The following POLR1C variants were observed in gnomAD, a reference collection of about 807,000 sequenced individuals.
The protein encoded by POLR1C is RNA polymerase I and III subunit C, also known as DNA-directed RNA polymerases I and III subunit RPAC1.
In POLR1C, 42 loss-of-function variants were observed where a neutral mutation model predicts 38.3. That is an observed-to-expected ratio of 1.10 (90% CI 0.86 to 1.42). The LOEUF is 1.42. Among genes scored for constraint, POLR1C ranks in the 40% most tolerant of loss-of-function variants. The probability of loss-of-function intolerance (pLI) is 0.00; values close to 1 mark genes in which losing one functional copy is unlikely to be tolerated. For missense variants in POLR1C, 507 were observed against 450.5 expected (o/e 1.13, Z -1.14); for synonymous variants, 163 against 163.9 (o/e 0.99, Z 0.04).
chr6:43,553,695 G>A (rs983742825), intron 10 of POLR1C: 12 of 1,243,782 alleles, frequency 9.6e-6, no homozygotes, highest in African/African-American at 3.0e-5. Context: ...AAAGCAATGA[G>A]GTAGGTGAAG....
intron 9 of POLR1C, chr6:43,546,775 G>T: frequency 1.4e-6 from 2 of 1,430,696 alleles, no homozygotes; most frequent in Non-Finnish European, 1.8e-6. Context: ...AAGAATGACA[G>T]ATAAATATTA....
At chr6:43,554,679 T>C (rs904745412) in intron 10 of POLR1C, among the ~76,000 whole-genome samples, 1 of 152,112 alleles carries the variant, frequency 6.6e-6, no homozygotes, top group Non-Finnish European at 1.5e-5. Context: ...AGCCTCGGCC[T>C]CCTGAAGTGC....
chr6:43,534,055 GA>G (rs746121916), downstream of POLR1C: 123 of 1,454,406 alleles, frequency 8.5e-5, no homozygotes, highest in Non-Finnish European at 1.1e-4. Flanking sequence ...GATGCAGAAG[GA>G]AAGAGTGGGT....
intron 10 of POLR1C, among the ~76,000 whole-genome samples, chr6:43,559,275 TGACAG>T (rs1762277013): frequency 6.6e-6 from 1 of 152,038 alleles, no homozygotes; most frequent in Non-Finnish European, 1.5e-5. Context: ...CCAGCCTCGG[TGACAG>T]GGTGAGACTC....
chr6:43,536,853 G>A (rs1014646366), intron 9 of POLR1C, among the ~76,000 whole-genome samples: 2 of 150,320 alleles, frequency 1.3e-5, no homozygotes, highest in African/African-American at 2.5e-5. Context: ...TGGCTGGTAG[G>A]AATCTAATTG....
In POLR1C at chr6:43,517,125, G is replaced by C; in HGVS notation, c.16G>C (p.Ala6Pro). 6.2e-7 allele frequency: 1 copy of C among 1,614,192 alleles called. No individual in the cohort carries two copies. The highest frequency in any genetic ancestry group is 8.5e-7 in the Non-Finnish European group (1 of 1,180,022). Reference sequence around the variant, plus strand: ...GAGATTGAAGATGGCGGCTTCTCAGGCGGTGGAGGAAATGCGGAGCCGCGT... The same window carrying C: ...GAGATTGAAGATGGCGGCTTCTCAGCCGGTGGAGGAAATGCGGAGCCGCGT... MAASQAVEEMRSRVVL... is the reference protein window; with the variant it reads MAASQPVEEMRSRVVL... Residue 6 changes from alanine to proline, a missense_variant, in exon 1 of 9, where the codon GCG becomes CCG. Ala to Pro is a conservative substitution (Grantham distance 27). Transcript: ENST00000642195.
intron 2 of POLR1C, among the ~76,000 whole-genome samples, chr6:43,518,134 G>A (rs962455326): frequency 6.6e-6 from 1 of 152,156 alleles, no homozygotes; most frequent in African/African-American, 2.4e-5. Context: ...TGATGATAGG[G>A]AGATTGAATA....
chr6:43,562,118 A>G (rs1389182131), exon 11 of POLR1C: 2 of 612,546 alleles, frequency 3.3e-6, no homozygotes, highest in Non-Finnish European at 5.7e-6. Context: ...AGAATCATGC[A>G]ATAACTTGTA....
chr6:43,556,035 T>G, intron 10 of POLR1C: 1 of 1,577,566 alleles, frequency 6.3e-7, no homozygotes, highest in Admixed American at 1.8e-5. Context: ...TAATGTTTAT[T>G]AATTTACCAC....
At chr6:43,540,288 G>A (rs1177350268) in intron 9 of POLR1C, among the ~76,000 whole-genome samples, 1 of 152,138 alleles carries the variant, frequency 6.6e-6, no homozygotes, top group Non-Finnish European at 1.5e-5. Context: ...GATCATCCTG[G>A]CTAATACGGT....
chr6:43,561,049 A>T, intron 10 of POLR1C: 1 of 1,500,776 alleles, frequency 6.7e-7, no homozygotes, highest in African/African-American at 1.4e-5. Context: ...TGATCGAGAA[A>T]AGCAGGAGAG....
At chr6:43,561,537 C>G (rs1270245515) in exon 11 of POLR1C, 1 of 153,274 alleles carries the variant, frequency 6.5e-6, no homozygotes, top group Non-Finnish European at 1.5e-5. Flanking sequence ...CACCACCACG[C>G]CTGGCTAATT....
downstream of POLR1C, chr6:43,525,194 T>G: frequency 6.3e-7 from 1 of 1,579,906 alleles, no homozygotes; most frequent in Non-Finnish European, 8.6e-7. Context: ...AGGCTGTAAT[T>G]AATAGCGCTG....
At chr6:43,537,526 A>G (rs1794413377) in intron 9 of POLR1C, among the ~76,000 whole-genome samples, 1 of 152,226 alleles carries the variant, frequency 6.6e-6, no homozygotes, top group Non-Finnish European at 1.5e-5. Context: ...TAGCAGCCAT[A>G]AACAGTAGGT....
chr6:43,536,876 C>T lies in POLR1C; in HGVS notation c.*4+7517C>T, dbSNP rs181868047. ...AGGAATCTAATTGTTTTTTCTAACA[C>T]GGTGAAACAGACAATATGGTGTCTG... On this transcript the variant is annotated intron_variant, in intron 9 of 10. Coordinates refer to the POLR1C transcript ENST00000607635. Among the ~76,000 whole-genome samples the T allele has an allele frequency of 2.9e-3, 430 of 149,088 alleles. 4 individuals are homozygous for T. Among genetic ancestry groups the T allele is most frequent in the African/African-American group, 9.7e-3 (390 of 40,184 alleles).
At chr6:43,531,212 C>T (rs79284743), downstream of POLR1C, among the ~76,000 whole-genome samples, 4,988 of 150,684 alleles carry the variant, frequency 0.033, 266 homozygotes, top group African/African-American at 0.11. Flanking sequence ...CTTTTAGCTT[C>T]GACTTGGGTT....
rs1156884252 is a variant in POLR1C at position 43,536,758 on chromosome 6, T to TAAAAAAAAAA, written c.*4+7422_*4+7431dup. 4.1e-3 allele frequency among the ~76,000 whole-genome samples: 79 copies of TAAAAAAAAAA among 19,098 alleles called. 8 individuals carry two copies. The highest frequency in any genetic ancestry group is 0.015 in the African/African-American group (61 of 4,092). 12.5% of individuals were successfully genotyped at this position (19,098 alleles called of 152,430 possible). A position where few individuals can be genotyped will look rare whatever the true frequency, so the allele number is the denominator to read the frequency against. On this transcript the variant is annotated intron_variant, in intron 9 of 10. Coordinates refer to the POLR1C transcript ENST00000607635. ...CTGGACGACAGAGTGAGACTCTATC[T>TAAAAAAAAAA]AAAAAAAAAAAAAAAAAAAAAAAAA... is the stretch of plus-strand genomic sequence containing the variant.
At chr6:43,526,068 C>A, downstream of POLR1C, 1 of 730,710 alleles carries the variant, frequency 1.4e-6, no homozygotes. Flanking sequence ...CCCACCTCCA[C>A]ATAATGCCCA....
rs1793051125 is a variant in POLR1C, at chr6:43,519,933, G to C, written c.382+95G>C. ...AAGTTACTTATCTTTGTACATCAGT[G>C]TCTTTCATCTGTGAGAACACTTGCC... On this transcript the variant is annotated intron_variant, in intron 4 of 8. Transcript: ENST00000642195. 3.9e-6 allele frequency: 6 copies of C among 1,541,072 alleles called. No individual in the cohort carries two copies. In the East Asian group the frequency reaches 1.4e-4, roughly 37 times the overall value.
Sources: gnomAD v4.1 joint callset for allele counts (sites outside exome capture counted in the v4.1 genomes callset) on GRCh38, gnomAD v4.1.1 for gene constraint, MANE v1.5 for transcripts, NCBI Gene and HGNC (gene_info 2026-07-23, HGNC 2026-07-21) for gene names.